Variants in MAP2 observed in about 807,000 individuals in gnomAD.
MAP2 encodes the protein microtubule associated protein 2, also known as microtubule-associated protein 2.
In MAP2, 14 loss-of-function variants were observed where a neutral mutation model predicts 137.6. The ratio of observed to expected loss-of-function variants is 0.10; its 90% CI spans 0.07 to 0.16. The LOEUF is 0.16. Among genes scored for constraint, MAP2 ranks in the 10% least tolerant of loss-of-function variants. The pLI is 1.00. For synonymous variants in MAP2, 786 were observed against 782.3 expected (o/e 1.00, Z -0.08); for missense variants, 2,088 against 2,191.5 (o/e 0.95, Z 0.94).
intron 1 of MAP2, among the ~76,000 whole-genome samples, chr2:209,479,155 A>G (rs966875189): frequency 5.9e-5 from 9 of 152,058 alleles, no homozygotes; most frequent in Non-Finnish European, 1.3e-4. Context: ...AGTATTTTCT[A>G]CCATGGAAAA....
chr2:209,564,817 A>G (rs1375846412), intron 2 of MAP2, among the ~76,000 whole-genome samples: 2 of 151,516 alleles, frequency 1.3e-5, no homozygotes, highest in Non-Finnish European at 2.9e-5. Context: ...TTTTCCTTTC[A>G]TTTCTGAGCT....
chr2:209,729,380 T>A (rs1285616172), intron 14 of MAP2, among the ~76,000 whole-genome samples: 2 of 152,196 alleles, frequency 1.3e-5, no homozygotes, highest in Non-Finnish European at 2.9e-5. Context: ...ATTGCCCACA[T>A]GTGCACCACT....
At chr2:209,429,863 G>A (rs1156485116) in intron 1 of MAP2, among the ~76,000 whole-genome samples, 1 of 151,934 alleles carries the variant, frequency 6.6e-6, no homozygotes, top group Non-Finnish European at 1.5e-5. Flanking sequence ...TAATGAATTG[G>A]CATGAGAAAG....
chr2:209,607,637 G>T (rs1427665018), intron 3 of MAP2, among the ~76,000 whole-genome samples: 1 of 152,142 alleles, frequency 6.6e-6, no homozygotes, highest in Non-Finnish European at 1.5e-5. Context: ...GTTTTACCAT[G>T]TTGGCCAGGC....
rs200198018 is a variant in MAP2 at position 209,428,923 on chromosome 2, T to TTTTATTTATTTATTTA, written c.-222+4679_-222+4694dup. ...GCCTTCTTTGAATTACTTTATTTTA[T>TTTTATTTATTTATTTA]TTTATTTATTTATTTATTTATTTAT... On this transcript the variant is annotated intron_variant, in intron 1 of 15. Transcript: ENST00000682079. 4.8e-5 allele frequency among the ~76,000 whole-genome samples: 7 copies of TTTTATTTATTTATTTA among 146,430 alleles called. No individual in the cohort carries two copies. The South Asian group carries it at 6.5e-4, about 14-fold the overall frequency.
rs1022571526 is a variant in MAP2 at position 209,692,838 on chromosome 2, T to G, written c.668T>G (p.Leu223Arg). 1 of 1,612,994 alleles carries G rather than the reference T, an allele frequency of 6.2e-7. No homozygotes were observed. Among genetic ancestry groups the G allele is most frequent in the Non-Finnish European group, 8.5e-7 (1 of 1,179,736 alleles). ...GGCACGGAAGAAGAAAAAGCACCCC[T>G]AGCTTTGTTTGGGCACACTCTTGTT... The part of the protein sequence containing the change: ...MQGTEEEKAP[L>R]ALFGHTLVAS... Residue 223 changes from leucine (L) to arginine (R), a missense_variant, in exon 8 of 16, where the codon CTA (leucine) becomes CGA (arginine). Transcript: ENST00000682079.
intron 12 of MAP2, among the ~76,000 whole-genome samples, chr2:209,706,837 CAAGAA>C (rs1348663057): frequency 6.6e-6 from 1 of 152,032 alleles, no homozygotes; most frequent in Non-Finnish European, 1.5e-5. Context: ...TTTTTGCCTA[CAAGAA>C]AAGTGTTTAT....
chr2:209,535,583 A>C (rs189141275), intron 2 of MAP2, among the ~76,000 whole-genome samples: 55 of 151,982 alleles, frequency 3.6e-4, no homozygotes, highest in Non-Finnish European at 6.0e-4. Context: ...CTGCAGAAGA[A>C]AGCTGATCAA....
At chr2:209,616,059 A>G (rs762763383) in intron 3 of MAP2, among the ~76,000 whole-genome samples, 4 of 152,264 alleles carry the variant, frequency 2.6e-5, no homozygotes, top group African/African-American at 7.2e-5. Flanking sequence ...TCATTGCTCA[A>G]TAAAATTCTT....
rs376509566 is a variant in MAP2 at position 209,695,379 on chromosome 2, T to A, written c.3209T>A (p.Leu1070Gln). 20 of 1,613,248 alleles carry A rather than the reference T, an allele frequency of 1.2e-5. No individual in the cohort carries two copies. Among genetic ancestry groups the A allele is most frequent in the Admixed American group, 1.7e-5 (1 of 59,908 alleles). Residue 1070 changes from leucine to glutamine, a missense_variant, in exon 8 of 16, where the codon CTA becomes CAA. Around this residue, in one of 6 missense-constraint regions of MAP2, gnomAD observed 500 missense variants for 482.9 expected, o/e 1.04. Transcript: ENST00000682079. ...LNIDDRRATE[L>Q]KLEATQDMTP... ...ATAGATGATAGAAGGGCAACAGAGCTAAAACTTGAGGCTACACAGGACATG... is the reference window on the plus strand; with the variant it reads ...ATAGATGATAGAAGGGCAACAGAGCAAAAACTTGAGGCTACACAGGACATG...
At chr2:209,719,558 T>C (rs557523760) in intron 13 of MAP2, among the ~76,000 whole-genome samples, 14 of 152,316 alleles carry the variant, frequency 9.2e-5, no homozygotes, top group South Asian at 6.2e-4. Context: ...CATTTTCTGT[T>C]TCAATCCTTT....
At chr2:209,485,826 C>G in intron 1 of MAP2, among the ~76,000 whole-genome samples, 1 of 152,224 alleles carries the variant, frequency 6.6e-6, no homozygotes, top group East Asian at 1.9e-4. Context: ...TGTGATTAAT[C>G]TGTGGCTGGA....
intron 13 of MAP2, among the ~76,000 whole-genome samples, chr2:209,716,135 A>G (rs1299105903): frequency 1.3e-5 from 2 of 152,176 alleles, no homozygotes; most frequent in Admixed American, 6.6e-5. Flanking sequence ...ACTGTAACCA[A>G]ACTTTCTCAC....
intron 1 of MAP2, among the ~76,000 whole-genome samples, chr2:209,480,726 T>A (rs1376934307): frequency 6.6e-6 from 1 of 152,142 alleles, no homozygotes; most frequent in Non-Finnish European, 1.5e-5. Context: ...ATAGAAAAAA[T>A]TTTAAAGAGT....
At chr2:209,472,334 C>G (rs12988648) in intron 1 of MAP2, among the ~76,000 whole-genome samples, 4,583 of 152,124 alleles carry the variant, frequency 0.03, 88 homozygotes, top group South Asian at 0.069. Context: ...GAAAATGGGT[C>G]CCTTAGGATT....
At chr2:209,445,591 G>A (rs184882717) in intron 1 of MAP2, among the ~76,000 whole-genome samples, 11 of 151,694 alleles carry the variant, frequency 7.3e-5, no homozygotes, top group African/African-American at 2.7e-4. Flanking sequence ...CTCTGGGCAC[G>A]TAACTAATCT....
At position 209,653,429 on chromosome 2, in the gene MAP2, G is replaced by A; in HGVS notation, c.259G>A (p.Ala87Thr). 1 of 1,594,814 alleles carries A rather than the reference G, an allele frequency of 6.3e-7. No individual in the cohort carries two copies. Among genetic ancestry groups the A allele is most frequent in the Non-Finnish European group, 8.6e-7 (1 of 1,169,528 alleles). The change falls in exon 5 of 16, where the codon GCA becomes ACA. Residue 87 changes from alanine (A) to threonine (T), a missense_variant. Coordinates refer to ENST00000682079, the MANE Select transcript of MAP2 (RefSeq NM_001375505.1). ...GELTSADRET[A>T]EEVSARIVQV... is the part of the protein sequence containing the mutation. ...GCTGACCTCAGCTGACAGAGAAACA[G>A]CAGGTAACTAAGGGCTCTACTGTCA...
At chr2:209,578,797 A>G (rs1319725212) in intron 2 of MAP2, among the ~76,000 whole-genome samples, 1 of 152,182 alleles carries the variant, frequency 6.6e-6, no homozygotes, top group Non-Finnish European at 1.5e-5. Flanking sequence ...TATGCCAAAG[A>G]TTGAATTCTC....
chr2:209,544,627 TC>T (rs977687370), intron 2 of MAP2, among the ~76,000 whole-genome samples: 2 of 152,202 alleles, frequency 1.3e-5, no homozygotes, highest in African/African-American at 2.4e-5. Flanking sequence ...AATAGGGCAC[TC>T]AGTAAACACT....
Sources: gnomAD v4.1 joint callset for allele counts (sites outside exome capture counted in the v4.1 genomes callset) on GRCh38, gnomAD v4.1.1 for gene constraint, gnomAD v4.1.1 regional missense constraint, MANE v1.5 for transcripts, NCBI Gene and HGNC (gene_info 2026-07-23, HGNC 2026-07-21) for gene names.